WDR70: variants seen among roughly 807,000 people sequenced by gnomAD.
The protein encoded by WDR70 is WD repeat-containing protein 70.
Under a neutral mutation model 88.6 loss-of-function variants are expected in WDR70, and 53 were observed. That is an observed-to-expected ratio of 0.60 (90% CI 0.48 to 0.75). The LOEUF is 0.75. WDR70 is among the 30% of genes least tolerant of loss of function. WDR70 has a pLI of 0.00. For synonymous variants in WDR70, 280 were observed against 270.0 expected, an observed-to-expected ratio of 1.04 and a Z score of -0.36; for missense variants, 610 against 823.2, an observed-to-expected ratio of 0.74 and a Z score of 3.17.
chr5:37,473,988 T>G (rs1281067924), intron 7 of WDR70, among the ~76,000 whole-genome samples: 2 of 152,186 alleles, frequency 1.3e-5, no homozygotes, highest in African/African-American at 4.8e-5. Context: ...AAATACTAAA[T>G]TTTCTACTTT....
At chr5:37,415,432 C>T (rs1202218273) in intron 5 of WDR70, among the ~76,000 whole-genome samples, 7 of 95,166 alleles carry the variant, frequency 7.4e-5, no homozygotes, top group Non-Finnish European at 1.4e-4. Flanking sequence ...ACCTCCCTCC[C>T]GGACGGGGCG....
chr5:37,571,790 C>A (rs1742912877), intron 9 of WDR70, among the ~76,000 whole-genome samples: 1 of 152,104 alleles, frequency 6.6e-6, no homozygotes, highest in African/African-American at 2.4e-5. Context: ...TTTTCTACAC[C>A]TGTTCTGACA....
chr5:37,437,661 A>T (rs551579822), intron 5 of WDR70, among the ~76,000 whole-genome samples: 222 of 152,254 alleles, frequency 1.5e-3, no homozygotes, highest in Non-Finnish European at 2.7e-3. Flanking sequence ...TGACAATAAG[A>T]GATAATTTTA....
rs1267107779 is a variant in WDR70 at position 37,461,741 on chromosome 5, C to CT, written c.687-18093_687-18092insT. Among the ~76,000 whole-genome samples the CT allele has an allele frequency of 8.6e-5, 12 of 139,598 alleles. No homozygotes were observed. The South Asian group carries it at 1.4e-3, about 16-fold the overall frequency. The allele number at this position is 139,598 out of a possible 152,430, so 91.6% of individuals were successfully genotyped here. On this transcript the variant is annotated intron_variant, in intron 7 of 17. Coordinates refer to ENST00000265107, the MANE Select transcript of WDR70 (RefSeq NM_018034.4). ...CTCATGATCTGCCTGCCTCGGCCTC[C>CT]CAAAGTGCTGGGATTACAGGCGTGA...
At chr5:37,485,078 C>G (rs550050450) in intron 8 of WDR70, among the ~76,000 whole-genome samples, 1 of 152,194 alleles carries the variant, frequency 6.6e-6, no homozygotes, top group Non-Finnish European at 1.5e-5. Context: ...TCGTCTGCCA[C>G]AAACATATTA....
At chr5:37,694,116 A>G (rs976372951) in intron 10 of WDR70, among the ~76,000 whole-genome samples, 2 of 152,214 alleles carry the variant, frequency 1.3e-5, no homozygotes, top group African/African-American at 4.8e-5. Context: ...GTCACTGATT[A>G]TCAGAGAAAT....
intron 11 of WDR70, among the ~76,000 whole-genome samples, chr5:37,698,287 A>AT (rs1181960507): frequency 6.6e-6 from 1 of 151,996 alleles, no homozygotes; most frequent in African/African-American, 2.4e-5. Flanking sequence ...TAGCTTCCTA[A>AT]TTTTTTTGCT....
At chr5:37,535,796 T>C (rs1187298344) in intron 9 of WDR70, among the ~76,000 whole-genome samples, 1 of 152,204 alleles carries the variant, frequency 6.6e-6, no homozygotes, top group Non-Finnish European at 1.5e-5. Flanking sequence ...GGTAATGTTA[T>C]TACATATTCT....
rs1554013948 is a variant in WDR70 at position 37,707,989 on chromosome 5, A to ATG, written c.1416+4903_1416+4904insGT. ...TATATATATATATATATATATATAT[A>ATG]TATAGTTGATTGAAAATCTTAATAT... On this transcript the variant is annotated intron_variant, in intron 13 of 17. Coordinates refer to ENST00000265107, the MANE Select transcript of WDR70 (RefSeq NM_018034.4). 3.6e-4 allele frequency among the ~76,000 whole-genome samples: 40 copies of ATG among 112,056 alleles called. 1 individual carries two copies. Among genetic ancestry groups the ATG allele is most frequent in the African/African-American group, 1.2e-3 (38 of 32,678 alleles). 73.5% of individuals were successfully genotyped at this position (112,056 alleles called of 152,430 possible). A position where few individuals can be genotyped will look rare whatever the true frequency, so the allele number is the denominator to read the frequency against.
At chr5:37,432,029 C>G (rs1473546950) in intron 5 of WDR70, among the ~76,000 whole-genome samples, 2 of 152,202 alleles carry the variant, frequency 1.3e-5, no homozygotes, top group African/African-American at 4.8e-5. Flanking sequence ...GTACAAATAG[C>G]TCTTCAAGAC....
At chr5:37,620,987 T>A (rs1427907067) in intron 10 of WDR70, among the ~76,000 whole-genome samples, 2 of 151,902 alleles carry the variant, frequency 1.3e-5, no homozygotes, top group African/African-American at 4.8e-5. Flanking sequence ...ACAAGATATT[T>A]TGTTTGCCTC....
chr5:37,477,042 C>G (rs1739507980), intron 7 of WDR70, among the ~76,000 whole-genome samples: 1 of 152,150 alleles, frequency 6.6e-6, no homozygotes, highest in African/African-American at 2.4e-5. Flanking sequence ...TTCAAGTGTC[C>G]TCTGTACTTT....
chr5:37,665,248 C>T (rs1745802969), intron 10 of WDR70, among the ~76,000 whole-genome samples: 1 of 152,158 alleles, frequency 6.6e-6, no homozygotes, highest in South Asian at 2.1e-4. Context: ...CCTATATTCT[C>T]ATCACTTTGT....
At chr5:37,431,933 C>T (rs1165556560) in intron 5 of WDR70, among the ~76,000 whole-genome samples, 3 of 152,128 alleles carry the variant, frequency 2.0e-5, no homozygotes, top group South Asian at 2.1e-4. Flanking sequence ...GTTTATGTCA[C>T]GTTTTGTTGA....
chr5:37,589,169 A>T (rs1380666224), intron 9 of WDR70, among the ~76,000 whole-genome samples: 2 of 151,822 alleles, frequency 1.3e-5, no homozygotes, highest in Admixed American at 1.3e-4. Flanking sequence ...TTGGGTTTAT[A>T]GGTGTGAACC....
intron 10 of WDR70, among the ~76,000 whole-genome samples, chr5:37,668,234 A>AT (rs960997305): frequency 3.3e-5 from 5 of 152,108 alleles, no homozygotes; most frequent in African/African-American, 1.2e-4. Flanking sequence ...TAGTTGTATC[A>AT]TTTTTTTCCC....
intron 10 of WDR70, among the ~76,000 whole-genome samples, chr5:37,631,050 C>T (rs780991023): frequency 6.6e-6 from 1 of 152,114 alleles, no homozygotes; most frequent in South Asian, 2.1e-4. Context: ...AAGTTCCCTC[C>T]GACGCCAGGC....
rs139958996 is a variant in WDR70 at position 37,752,113 on chromosome 5, G to T, written c.1878-373G>T. 2.9e-3 allele frequency among the ~76,000 whole-genome samples: 434 copies of T among 152,280 alleles called. 5 individuals are homozygous for T. Among genetic ancestry groups the T allele is most frequent in the African/African-American group, 1.0e-2 (415 of 41,562 alleles). On this transcript the variant is annotated intron_variant, in intron 17 of 17. Coordinates refer to ENST00000265107, the MANE Select transcript of WDR70 (RefSeq NM_018034.4). Reference sequence around the variant, plus strand: ...AATAAATGGTCTTAATAAAGATCATGTAGATTCTTGCTTGGTGACTGTAGT... The same window carrying T: ...AATAAATGGTCTTAATAAAGATCATTTAGATTCTTGCTTGGTGACTGTAGT...
intron 10 of WDR70, among the ~76,000 whole-genome samples, chr5:37,696,179 C>T (rs1561077171): frequency 6.6e-6 from 1 of 152,098 alleles, no homozygotes; most frequent in African/African-American, 2.4e-5. Flanking sequence ...GCCATACATA[C>T]AGTTGATATC....
Sources: gnomAD v4.1 joint callset for allele counts (sites outside exome capture counted in the v4.1 genomes callset) on GRCh38, gnomAD v4.1.1 for gene constraint, MANE v1.5 for transcripts, NCBI Gene and HGNC (gene_info 2026-07-23, HGNC 2026-07-21) for gene names.